The following DOK6 variants were observed in gnomAD, a reference collection of about 807,000 sequenced individuals.
The protein encoded by DOK6 is docking protein 6, also known as downstream of tyrosine kinase 6.
A neutral mutation model predicts 44.0 loss-of-function variants in DOK6; 22 were observed. The observed-to-expected ratio is 0.50, with a 90% CI of 0.36 to 0.71. The LOEUF (loss-of-function observed/expected upper bound fraction) is 0.71, where lower values mean the gene tolerates loss of function less well. DOK6 is among the 30% of genes least tolerant of loss of function. The pLI is 0.00. For synonymous variants in DOK6, 166 were observed against 145.5 expected (o/e 1.14, Z -1.01); for missense variants, 340 against 416.4 (o/e 0.82, Z 1.60).
intron 1 of DOK6, among the ~76,000 whole-genome samples, chr18:69,448,930 C>A (rs1369204728): frequency 1.3e-5 from 2 of 152,088 alleles, no homozygotes; most frequent in East Asian, 1.9e-4. Flanking sequence ...TATCAAAATG[C>A]ATGTTATATA....
At chr18:69,699,517 C>T (rs1986464580) in intron 5 of DOK6, among the ~76,000 whole-genome samples, 2 of 151,990 alleles carry the variant, frequency 1.3e-5, no homozygotes, top group South Asian at 4.1e-4. Flanking sequence ...TTTTACCAGT[C>T]TGGGGCCCTT....
At chr18:69,470,634 C>T (rs549828267) in intron 1 of DOK6, among the ~76,000 whole-genome samples, 2 of 146,094 alleles carry the variant, frequency 1.4e-5, no homozygotes, top group Non-Finnish European at 3.0e-5. Flanking sequence ...CCTGAAGACT[C>T]TCTGCTTAGT....
At chr18:69,799,333 T>C (rs1843817908) in intron 7 of DOK6, among the ~76,000 whole-genome samples, 1 of 152,046 alleles carries the variant, frequency 6.6e-6, no homozygotes, top group Admixed American at 6.6e-5. Flanking sequence ...AGATTAAATA[T>C]TTGAAATTTA....
intron 3 of DOK6, among the ~76,000 whole-genome samples, chr18:69,625,540 G>A (rs1984539031): frequency 1.3e-5 from 2 of 152,134 alleles, no homozygotes; most frequent in Non-Finnish European, 2.9e-5. Context: ...TTGCTCTGAA[G>A]GTATATAAGG....
At chr18:69,410,202 C>A (rs922312128) in intron 1 of DOK6, among the ~76,000 whole-genome samples, 1 of 152,246 alleles carries the variant, frequency 6.6e-6, no homozygotes, top group African/African-American at 2.4e-5. Context: ...GAATAATTAT[C>A]TATATTACCT....
At chr18:69,485,415 C>T (rs1166089082) in intron 1 of DOK6, among the ~76,000 whole-genome samples, 1 of 152,088 alleles carries the variant, frequency 6.6e-6, no homozygotes, top group African/African-American at 2.4e-5. Flanking sequence ...AGGTCCTTTA[C>T]CCCAGACCAT....
intron 3 of DOK6, among the ~76,000 whole-genome samples, chr18:69,646,094 A>G (rs1245230393): frequency 6.6e-6 from 1 of 152,156 alleles, no homozygotes; most frequent in Non-Finnish European, 1.5e-5. Context: ...CTAGGAATCA[A>G]TGATTCTTTT....
intron 1 of DOK6, among the ~76,000 whole-genome samples, chr18:69,428,086 C>A (rs1978694746): frequency 6.6e-6 from 1 of 152,030 alleles, no homozygotes; most frequent in Non-Finnish European, 1.5e-5. Flanking sequence ...CCTGGAGTAC[C>A]CTACTTTTAA....
chr18:69,450,744 G>A (rs1979437304), intron 1 of DOK6, among the ~76,000 whole-genome samples: 1 of 147,444 alleles, frequency 6.8e-6, no homozygotes, highest in African/African-American at 2.5e-5. Flanking sequence ...GAAGAGAGTG[G>A]GGGCCAATAT....
rs747546966 is a variant in DOK6, at chr18:69,543,694, C to T, written c.67-20793C>T. On this transcript the variant is annotated intron_variant, in intron 1 of 7. Coordinates refer to ENST00000382713, the MANE Select transcript of DOK6 (RefSeq NM_152721.6). ...TTTCAGGGCTTGATTTTTGTATCTC[C>T]GTTACTACCTTTTAAAAAAATATTT... Among the ~76,000 whole-genome samples the T allele has an allele frequency of 3.3e-5, 5 of 151,256 alleles. 1 individual carries two copies. The highest frequency in any genetic ancestry group is 6.6e-5 in the Admixed American group (1 of 15,180).
chr18:69,821,035 C>A (rs376389589), intron 7 of DOK6, among the ~76,000 whole-genome samples: 2 of 152,028 alleles, frequency 1.3e-5, no homozygotes, highest in South Asian at 4.2e-4. Context: ...CACATGAACC[C>A]CTGAACTTAA....
At chr18:69,669,377 A>C (rs1356357426) in intron 3 of DOK6, among the ~76,000 whole-genome samples, 1 of 152,150 alleles carries the variant, frequency 6.6e-6, no homozygotes, top group East Asian at 1.9e-4. Flanking sequence ...TTCTGCATTA[A>C]TTCTAGTAGG....
chr18:69,597,132 A>C (rs1314117480), intron 2 of DOK6, among the ~76,000 whole-genome samples: 1 of 152,098 alleles, frequency 6.6e-6, no homozygotes, highest in African/African-American at 2.4e-5. Flanking sequence ...AATAGATGCA[A>C]TATGTATAAA....
chr18:69,722,406 T>C (rs61000448), intron 5 of DOK6, among the ~76,000 whole-genome samples: 2,452 of 152,252 alleles, frequency 0.016, 63 homozygotes, highest in African/African-American at 0.055. Context: ...GATCTAGAAC[T>C]AGAAGGACAT....
intron 4 of DOK6, among the ~76,000 whole-genome samples, chr18:69,686,810 T>A (rs987436900): frequency 1.3e-5 from 2 of 152,148 alleles, no homozygotes; most frequent in African/African-American, 4.8e-5. Flanking sequence ...TTTCTTAGAT[T>A]GAGTTAAAAT....
intron 1 of DOK6, among the ~76,000 whole-genome samples, chr18:69,504,578 A>T (rs1981131945): frequency 6.6e-6 from 1 of 152,198 alleles, no homozygotes; most frequent in Admixed American, 6.5e-5. Context: ...AAATGGAAAA[A>T]GTATATGATG....
At chr18:69,652,424 G>A (rs1054963386) in intron 3 of DOK6, among the ~76,000 whole-genome samples, 4 of 152,172 alleles carry the variant, frequency 2.6e-5, no homozygotes, top group Non-Finnish European at 5.9e-5. Flanking sequence ...AAAATCCCAG[G>A]ACTGTACAGG....
intron 1 of DOK6, among the ~76,000 whole-genome samples, chr18:69,402,301 C>A (rs1213193209): frequency 6.6e-6 from 1 of 152,202 alleles, no homozygotes; most frequent in Non-Finnish European, 1.5e-5. Flanking sequence ...CCAGTTCTAC[C>A]AAGCTCCTGC....
chr18:69,836,189 CT>C (rs1982048845), intron 7 of DOK6, among the ~76,000 whole-genome samples: 1 of 152,142 alleles, frequency 6.6e-6, no homozygotes. Context: ...TGTGCTCCTT[CT>C]AGTTCATTAC....
Sources: gnomAD v4.1 joint callset for allele counts (sites outside exome capture counted in the v4.1 genomes callset) on GRCh38, gnomAD v4.1.1 for gene constraint, MANE v1.5 for transcripts, NCBI Gene and HGNC (gene_info 2026-07-23, HGNC 2026-07-21) for gene names.